Variants in MYO5B observed in about 807,000 individuals in gnomAD.
The protein encoded by MYO5B is myosin VB.
In MYO5B, 143 loss-of-function variants were observed where a neutral mutation model predicts 229.3. The observed-to-expected ratio is 0.62, with a 90% CI of 0.54 to 0.72. MYO5B has a LOEUF of 0.72. MYO5B is among the 30% of genes least tolerant of loss of function. MYO5B has a pLI of 0.00. For synonymous variants in MYO5B, 918 were observed against 885.2 expected (o/e 1.04, Z -0.66); for missense variants, 2,321 against 2,331.0 (o/e 1.00, Z 0.09).
chr18:49,962,238 T>G lies in MYO5B; in HGVS notation c.1545+28A>C, dbSNP rs201186703. The G allele has an allele frequency of 1.1e-3, 1,723 of 1,613,872 alleles. 5 individuals carry two copies. The highest frequency in any genetic ancestry group is 3.8e-3 in the South Asian group (345 of 91,084). On this transcript the variant is annotated intron_variant, in intron 12 of 39. Coordinates refer to ENST00000285039, the MANE Select transcript of MYO5B (RefSeq NM_001080467.3). Reference sequence around the variant, plus strand: ...CTTGTATCACATCCCTACCCTAGAATTGAACTAATTTGCATCATCAGTTTT... The same window carrying G: ...CTTGTATCACATCCCTACCCTAGAAGTGAACTAATTTGCATCATCAGTTTT...
intron 29 of MYO5B, among the ~76,000 whole-genome samples, chr18:49,859,345 T>G (rs2024301215): frequency 6.6e-6 from 1 of 152,202 alleles, no homozygotes; most frequent in African/African-American, 2.4e-5. Flanking sequence ...TTACTTGGCC[T>G]CTGTGAAGAT....
At chr18:50,038,199 G>A (rs117032245) in intron 3 of MYO5B, among the ~76,000 whole-genome samples, 4,107 of 152,270 alleles carry the variant, frequency 0.027, 73 homozygotes, top group Non-Finnish European at 0.042. Context: ...TCACATTCTG[G>A]ATGTCAGAAG....
intron 27 of MYO5B, among the ~76,000 whole-genome samples, chr18:49,867,332 ATGGGG>A (rs2024408255): frequency 2.0e-5 from 3 of 152,150 alleles, no homozygotes; most frequent in Admixed American, 2.0e-4. Flanking sequence ...TTGAGACAAG[ATGGGG>A]TTTCAGGGTT....
At chr18:50,125,434 T>C (rs954361425) in intron 1 of MYO5B, among the ~76,000 whole-genome samples, 1 of 151,616 alleles carries the variant, frequency 6.6e-6, no homozygotes, top group Non-Finnish European at 1.5e-5. Flanking sequence ...GACGAGTTAA[T>C]GGGTGCAGCA....
intron 4 of MYO5B, among the ~76,000 whole-genome samples, chr18:50,002,661 C>T (rs1176799393): frequency 6.6e-6 from 1 of 152,220 alleles, no homozygotes; most frequent in Admixed American, 6.5e-5. Flanking sequence ...ACCTCCCATT[C>T]ACAAACCCAC....
In MYO5B at chr18:49,992,281, C is replaced by T. The variant is rs974073118; in HGVS notation, c.756+7G>A. 1.9e-6 allele frequency: 3 copies of T among 1,614,122 alleles called. No individual in the cohort carries two copies. The African/African-American group carries it at 4.0e-5, about 22-fold the overall frequency. Reference sequence around the variant, plus strand: ...ATACACAAAAGGGCGCAAATCCTCCCACTCACCTGGAAGACCACTCTGGAC... The same window carrying T: ...ATACACAAAAGGGCGCAAATCCTCCTACTCACCTGGAAGACCACTCTGGAC... On this transcript the variant is annotated splice_region_variant and intron_variant, in intron 6 of 39. Transcript: ENST00000285039.
At chr18:49,882,967 T>C (rs1178326260) in intron 22 of MYO5B, among the ~76,000 whole-genome samples, 5 of 152,182 alleles carry the variant, frequency 3.3e-5, no homozygotes, top group Non-Finnish European at 7.3e-5. Flanking sequence ...CTTATGAACA[T>C]AGATTCAAAA....
intron 1 of MYO5B, among the ~76,000 whole-genome samples, chr18:50,112,869 A>C (rs74422324): frequency 6.6e-6 from 1 of 152,116 alleles, no homozygotes; most frequent in Non-Finnish European, 1.5e-5. Flanking sequence ...AACGTATTTT[A>C]AAAAAAATTG....
intron 28 of MYO5B, among the ~76,000 whole-genome samples, chr18:49,863,671 T>TC (rs1014405621): frequency 4.6e-5 from 7 of 152,126 alleles, no homozygotes; most frequent in African/African-American, 1.7e-4. Context: ...ACCCCAGCTG[T>TC]CCCGAGGCTC....
chr18:50,082,799 G>A, intron 1 of MYO5B, among the ~76,000 whole-genome samples: 1 of 152,158 alleles, frequency 6.6e-6, no homozygotes, highest in East Asian at 1.9e-4. Flanking sequence ...GCCAGTTTAG[G>A]CAAAGAACTG....
chr18:50,144,048 G>C (rs1439035375), intron 1 of MYO5B, among the ~76,000 whole-genome samples: 1 of 152,178 alleles, frequency 6.6e-6, no homozygotes, highest in East Asian at 1.9e-4. Flanking sequence ...CTCAGGTGTT[G>C]TGAAAATGTC....
chr18:50,129,072 AG>A (rs900429807), intron 1 of MYO5B, among the ~76,000 whole-genome samples: 1 of 152,154 alleles, frequency 6.6e-6, no homozygotes, highest in Non-Finnish European at 1.5e-5. Context: ...CAGGAGAATG[AG>A]GTGGCAGGGA....
At chr18:50,144,368 T>C (rs1416721790) in intron 1 of MYO5B, among the ~76,000 whole-genome samples, 3 of 152,168 alleles carry the variant, frequency 2.0e-5, no homozygotes, top group African/African-American at 7.2e-5. Context: ...AAGTCTTCAA[T>C]TGCCTCCCAA....
chr18:49,879,289 G>A (rs2024561019), intron 23 of MYO5B, 199 bp from the exon 24 acceptor site: 4 of 638,158 alleles, frequency 6.3e-6, no homozygotes, highest in Non-Finnish European at 1.1e-5. Context: ...CAGAGAGGGA[G>A]AGAAAGACCC....
At chr18:50,063,267 T>G (rs569149639) in intron 1 of MYO5B, among the ~76,000 whole-genome samples, 2 of 152,326 alleles carry the variant, frequency 1.3e-5, no homozygotes, top group East Asian at 3.9e-4. Context: ...AAAGTCTTCC[T>G]GAACCAGTAA....
rs1268780009 is a variant in MYO5B at position 50,169,369 on chromosome 18, G to A, written c.27+25398C>T. On this transcript the variant is annotated intron_variant, in intron 1 of 39. Coordinates refer to ENST00000285039, the MANE Select transcript of MYO5B (RefSeq NM_001080467.3). ...GTCAGCATTTAATCAAGTCCCTCCTGAGGACCAGGTAACATGACAGGTAGA... is the reference window on the plus strand; with the variant it reads ...GTCAGCATTTAATCAAGTCCCTCCTAAGGACCAGGTAACATGACAGGTAGA... 3.9e-5 allele frequency among the ~76,000 whole-genome samples: 5 copies of A among 127,454 alleles called. 1 individual carries two copies. The highest frequency in any genetic ancestry group is 1.5e-4 in the African/African-American group (5 of 33,588). The allele number at this position is 127,454 out of a possible 152,430, so 83.6% of individuals were successfully genotyped here.
intron 22 of MYO5B, among the ~76,000 whole-genome samples, chr18:49,892,723 A>C (rs1327036048): frequency 1.3e-5 from 2 of 152,110 alleles, no homozygotes; most frequent in African/African-American, 4.8e-5. Flanking sequence ...ACCTCCAACC[A>C]CCACAACAAA....
At chr18:49,949,284 G>C (rs894814497) in intron 14 of MYO5B, among the ~76,000 whole-genome samples, 6 of 151,462 alleles carry the variant, frequency 4.0e-5, no homozygotes, top group Non-Finnish European at 8.8e-5. Context: ...TTTTTCTCCT[G>C]GTTGATAAAT....
At chr18:49,834,659 A>T (rs562362097) in intron 39 of MYO5B, among the ~76,000 whole-genome samples, 4 of 151,598 alleles carry the variant, frequency 2.6e-5, no homozygotes, top group South Asian at 2.1e-4. Context: ...TTTTTTTGAG[A>T]CAAGAGTCTC....
Sources: gnomAD v4.1 joint callset for allele counts (sites outside exome capture counted in the v4.1 genomes callset) on GRCh38, gnomAD v4.1.1 for gene constraint, MANE v1.5 for transcripts, NCBI Gene and HGNC (gene_info 2026-07-23, HGNC 2026-07-21) for gene names.